The following PVALEF variants were observed in gnomAD, a reference collection of about 807,000 sequenced individuals.
PVALEF encodes parvalbumin like EF-hand containing, also known as parvalbumin-like EF-hand-containing protein.
In PVALEF, 2 loss-of-function variants were observed where a neutral mutation model predicts 1.2. The ratio of observed to expected loss-of-function variants is 1.68; its 90% CI spans 0.69 to 5.28. The LOEUF (loss-of-function observed/expected upper bound fraction) is 5.28, where lower values mean the gene tolerates loss of function less well. Among genes scored for constraint, PVALEF ranks in the 30% most tolerant of loss-of-function variants. PVALEF has a pLI of 0.06. For synonymous variants in PVALEF, 16 were observed against 6.5 expected, an observed-to-expected ratio of 2.47 and a Z score of -2.24; for missense variants, 35 against 17.7, an observed-to-expected ratio of 1.97 and a Z score of -1.75.
chr17:81,178,370 G>A (rs1273952210), intron 2 of PVALEF, among the ~76,000 whole-genome samples: 2 of 152,122 alleles, frequency 1.3e-5, no homozygotes, highest in Non-Finnish European at 2.9e-5. Flanking sequence ...CACCCCACAG[G>A]GGCAGGGCTG....
At chr17:81,168,051 G>A (rs951774028) in intron 2 of PVALEF, among the ~76,000 whole-genome samples, 3 of 152,186 alleles carry the variant, frequency 2.0e-5, no homozygotes, top group Non-Finnish European at 4.4e-5. Context: ...TCCCCTGTCA[G>A]GGCCTCCCCT....
chr17:81,177,732 G>A (rs2061540466), intron 2 of PVALEF, among the ~76,000 whole-genome samples: 1 of 152,192 alleles, frequency 6.6e-6, no homozygotes, highest in Non-Finnish European at 1.5e-5. Context: ...CCTCCACCGT[G>A]TTCATCTACA....
In PVALEF at chr17:81,179,153, G is replaced by A. The variant is rs1462795417; in HGVS notation, c.-105+1G>A. ...AACTCTCGAAAGAAGCCAGGCAGAG[G>A]TAAGCCCTGCCAAGGAGGGGGGTGT... On this transcript the variant is annotated splice_donor_variant, in intron 3 of 6. Transcript: ENST00000637878. LOFTEE classifies it low-confidence loss of function (5UTR_SPLICE). 8.4e-6 allele frequency: 3 copies of A among 357,382 alleles called. No individual in the cohort carries two copies. The highest frequency in any genetic ancestry group is 6.4e-5 in the African/African-American group (3 of 46,636). 22.1% of individuals were successfully genotyped at this position (357,382 alleles called of 1,614,324 possible).
At position 81,166,056 on chromosome 17, in the gene PVALEF, G is replaced by A. The variant is rs533452499; in HGVS notation, c.-508+309G>A. ...TGCGCTCAGGACGCCCGCGGCCCCG[G>A]CCCGAGCCGCCGCATCACCCAGCGG... On this transcript the variant is annotated intron_variant, in intron 1 of 6. Transcript: ENST00000637878. 9.8e-4 allele frequency: 1,153 copies of A among 1,181,256 alleles called. 13 individuals are homozygous for A. In the African/African-American group the frequency reaches 0.018, roughly 18 times the overall value. 73.2% of individuals were successfully genotyped at this position (1,181,256 alleles called of 1,614,324 possible). A position where few individuals can be genotyped will look rare whatever the true frequency, so the allele number is the denominator to read the frequency against.
At chr17:81,179,473 G>C (rs756996795) in intron 3 of PVALEF, among the ~76,000 whole-genome samples, 1 of 152,212 alleles carries the variant, frequency 6.6e-6, no homozygotes, top group Non-Finnish European at 1.5e-5. Context: ...GTGAGCTGGG[G>C]CCTCTGCATA....
chr17:81,166,103 C>G (rs1314041247), intron 1 of PVALEF: 1 of 577,240 alleles, frequency 1.7e-6, no homozygotes, highest in Non-Finnish European at 2.2e-6. Context: ...GCGGAGCGCG[C>G]CGGCCCCCGC....
chr17:81,176,482 C>T (rs57256556), intron 2 of PVALEF, among the ~76,000 whole-genome samples: 34,427 of 151,892 alleles, frequency 0.23, 4,285 homozygotes, highest in Non-Finnish European at 0.28. Context: ...CATGCCACTG[C>T]GCTCCAGCCT....
chr17:81,172,761 C>A (rs1047682538), intron 2 of PVALEF, among the ~76,000 whole-genome samples: 1 of 152,024 alleles, frequency 6.6e-6, no homozygotes. Context: ...GAGACTCTGT[C>A]TCAAAACAAA....
chr17:81,168,606 C>T (rs973396352), intron 2 of PVALEF, among the ~76,000 whole-genome samples: 3 of 152,170 alleles, frequency 2.0e-5, no homozygotes, highest in African/African-American at 7.2e-5. Flanking sequence ...CTGCTATCCC[C>T]CGGCCTGGGG....
At chr17:81,169,910 A>G (rs1189326830) in intron 2 of PVALEF, among the ~76,000 whole-genome samples, 1 of 149,034 alleles carries the variant, frequency 6.7e-6, no homozygotes, top group Non-Finnish European at 1.5e-5. Flanking sequence ...GTAGGTGTGT[A>G]TCGGTTTGTG....
intron 2 of PVALEF, among the ~76,000 whole-genome samples, chr17:81,170,956 A>C (rs2061518558): frequency 6.6e-6 from 1 of 152,136 alleles, no homozygotes; most frequent in African/African-American, 2.4e-5. Flanking sequence ...CAGGGCCCTC[A>C]GGCAGGAGGG....
Position 81,182,056 on chromosome 17 carries a change from CG to C in PVALEF, c.337del (p.Asp113ThrfsTer12), listed in dbSNP as rs1167409280. On this transcript the variant is annotated frameshift_variant, in exon 6 of 7. Transcript: ENST00000637878. LOFTEE classifies it high-confidence loss of function. ...CCATGATCCAGGCGGCAGACACACA[CG>C]GGGACGGGAGGATCAACTACGAAGG... ...EAMIQAADTH[G>X]DGRINYEEFS... 5.0e-6 allele frequency: 2 copies of C among 398,632 alleles called. No individual in the cohort carries two copies. Among genetic ancestry groups the C allele is most frequent in the African/African-American group, 4.1e-5 (2 of 48,622 alleles). 24.7% of individuals were successfully genotyped at this position (398,632 alleles called of 1,614,324 possible). A position where few individuals can be genotyped will look rare whatever the true frequency, so the allele number is the denominator to read the frequency against.
At chr17:81,170,318 G>A (rs1291386230) in intron 2 of PVALEF, among the ~76,000 whole-genome samples, 1 of 149,160 alleles carries the variant, frequency 6.7e-6, no homozygotes, top group Non-Finnish European at 1.5e-5. Flanking sequence ...TTGGTATGTA[G>A]GGGTGTGTGC....
rs558944581 is a variant in PVALEF, at chr17:81,167,604, G to T, written c.-340+760G>T. On this transcript the variant is annotated intron_variant, in intron 2 of 6. Coordinates refer to ENST00000637878, the MANE Select transcript of PVALEF (RefSeq NM_001354639.2). ...GACCCACCCTTCTTTTCCTAAGGGG[G>T]TCCCTCATGTAGGAAGTTTCCTCCT... Among the ~76,000 whole-genome samples, 6 of 152,330 alleles carry T rather than the reference G, an allele frequency of 3.9e-5. No individual in the cohort carries two copies. The South Asian group carries it at 1.2e-3, about 32-fold the overall frequency.
chr17:81,170,874 C>T lies in PVALEF; in HGVS notation c.-340+4030C>T, dbSNP rs1010396517. On this transcript the variant is annotated intron_variant, in intron 2 of 6. Coordinates refer to ENST00000637878, the MANE Select transcript of PVALEF (RefSeq NM_001354639.2). Reference sequence around the variant, plus strand: ...CTCTAGGGTGCTTGGGCCCCTCCAGCCCCAGCCCCAGCCCTGTACCCACAG... The same window carrying T: ...CTCTAGGGTGCTTGGGCCCCTCCAGTCCCAGCCCCAGCCCTGTACCCACAG... Among the ~76,000 whole-genome samples, 9 of 152,270 alleles carry T rather than the reference C, an allele frequency of 5.9e-5. No homozygotes were observed. In the East Asian group the frequency reaches 1.7e-3, roughly 29 times the overall value.
chr17:81,182,283 G>A (rs1376649858), intron 6 of PVALEF, among the ~76,000 whole-genome samples: 6 of 152,246 alleles, frequency 3.9e-5, no homozygotes, highest in African/African-American at 1.4e-4. Context: ...AGGGCTTTGG[G>A]AAGGCCAACT....
intron 1 of PVALEF, chr17:81,166,149 C>G (rs1007962034): frequency 3.1e-5 from 8 of 261,828 alleles, no homozygotes; most frequent in African/African-American, 1.9e-4. Flanking sequence ...AGAGCCCGCA[C>G]CGGTGGGGGC....
At chr17:81,179,947 G>C (rs1401880191) in intron 3 of PVALEF, among the ~76,000 whole-genome samples, 1 of 152,202 alleles carries the variant, frequency 6.6e-6, no homozygotes, top group Non-Finnish European at 1.5e-5. Flanking sequence ...GCAGCCCCCA[G>C]AATCTGAGCA....
chr17:81,169,451 A>T (rs1458753876), intron 2 of PVALEF, among the ~76,000 whole-genome samples: 2 of 152,110 alleles, frequency 1.3e-5, no homozygotes, highest in Non-Finnish European at 2.9e-5. Context: ...TACAAAAATT[A>T]ACCAGACATG....
Sources: allele counts gnomAD v4.1 joint callset (sites outside exome capture counted in the v4.1 genomes callset), GRCh38; gene constraint gnomAD v4.1.1; transcripts MANE v1.5; gene names NCBI Gene and HGNC (gene_info 2026-07-23, HGNC 2026-07-21).